SP2: variants seen among roughly 807,000 people sequenced by gnomAD.
The protein encoded by SP2 is transcription factor Sp2.
A neutral mutation model predicts 50.1 loss-of-function variants in SP2; 9 were observed. The ratio of observed to expected loss-of-function variants is 0.18; its 90% CI spans 0.11 to 0.31. SP2 has a LOEUF of 0.31. Ranked by LOEUF, SP2 falls within the 10% of genes least tolerant of loss-of-function variation. The probability of loss-of-function intolerance (pLI) is 1.00; values close to 1 mark genes in which losing one functional copy is unlikely to be tolerated. For missense variants in SP2, 581 were observed against 806.5 expected, an observed-to-expected ratio of 0.72 and a Z score of 3.39; for synonymous variants, 313 against 326.6, an observed-to-expected ratio of 0.96 and a Z score of 0.45.
chr17:47,901,542 A>G (rs935659115), intron 1 of SP2, among the ~76,000 whole-genome samples: 5 of 152,082 alleles, frequency 3.3e-5, no homozygotes, highest in African/African-American at 1.2e-4. Context: ...CTGCCAATGC[A>G]TGTCAATGGA....
intron 3 of SP2, chr17:47,917,952 C>A (rs952625384): frequency 4.2e-6 from 1 of 238,100 alleles, no homozygotes; most frequent in Non-Finnish European, 8.8e-6. Flanking sequence ...GATGGATAAC[C>A]CAGAACTCAG....
intron 5 of SP2, 86 bp downstream of exon 5, chr17:47,925,179 C>A: frequency 6.7e-7 from 1 of 1,497,514 alleles, no homozygotes; most frequent in Non-Finnish European, 9.0e-7. Context: ...TGCAAGCTGG[C>A]ACAGACCAGG....
chr17:47,896,869 G>A (rs541687593), intron 1 of SP2, among the ~76,000 whole-genome samples: 6 of 152,310 alleles, frequency 3.9e-5, no homozygotes, highest in Middle Eastern at 3.4e-3. Flanking sequence ...TCCCCAGTCG[G>A]GCGATGGTGT....
In SP2 at chr17:47,925,905, C is replaced by CTTTTTT. The variant is rs71141942; in HGVS notation, c.1741+387_1741+392dup. On this transcript the variant is annotated intron_variant, in intron 6 of 6. Coordinates refer to ENST00000376741, the MANE Select transcript of SP2 (RefSeq NM_003110.6). ...TTATGGGAAGATACTTTGTTTATGC[C>CTTTTTT]TTTTTTTTTTTTTTTTTTTTTTTTT... Among the ~76,000 whole-genome samples, 4 of 84,440 alleles carry CTTTTTT rather than the reference C, an allele frequency of 4.7e-5. 1 individual carries two copies. Among genetic ancestry groups the CTTTTTT allele is most frequent in the African/African-American group, 1.9e-4 (4 of 20,856 alleles). The allele number at this position is 84,440 out of a possible 152,430, so 55.4% of individuals were successfully genotyped here. A position where few individuals can be genotyped will look rare whatever the true frequency, so the allele number is the denominator to read the frequency against.
In SP2 at chr17:47,916,050, G is replaced by A; in HGVS notation, c.85-106G>A. On this transcript the variant is annotated intron_variant, in intron 2 of 6. Coordinates refer to ENST00000376741, the MANE Select transcript of SP2 (RefSeq NM_003110.6). This position sits in a 1 kb window ranked among gnomAD's most constrained non-coding sequence, Gnocchi z 4.7. ...CTGGCAACATGCCTGCCCCGGAGGT[G>A]GGGAAGACTGGCGTGGAATGCCGCC... The A allele has an allele frequency of 1.5e-6, 2 of 1,359,282 alleles. No homozygotes were observed. Among genetic ancestry groups the A allele is most frequent in the South Asian group, 2.8e-5 (2 of 72,114 alleles). 84.2% of individuals were successfully genotyped at this position (1,359,282 alleles called of 1,614,324 possible).
At chr17:47,925,265 C>G (rs1047502812) in intron 5 of SP2, 83 bp from the exon 6 acceptor site, 1 of 1,446,518 alleles carries the variant, frequency 6.9e-7, no homozygotes, top group African/African-American at 1.4e-5. Flanking sequence ...CACATCCTCA[C>G]TGCATCCTGT....
At chr17:47,898,794 A>G (rs1309347430) in intron 1 of SP2, 1 of 152,256 alleles carries the variant, frequency 6.6e-6, no homozygotes, top group Non-Finnish European at 1.5e-5. Context: ...CTGAGTTTAC[A>G]AGATTTAACC....
At chr17:47,919,570 T>A (rs1017379377) in intron 3 of SP2, among the ~76,000 whole-genome samples, 1 of 152,096 alleles carries the variant, frequency 6.6e-6, no homozygotes, top group Non-Finnish European at 1.5e-5. Context: ...CTCATTTGAG[T>A]GTAAATTGCC....
At chr17:47,915,629 GA>G (rs1439792924) in intron 2 of SP2, among the ~76,000 whole-genome samples, 1 of 152,146 alleles carries the variant, frequency 6.6e-6, no homozygotes, top group Non-Finnish European at 1.5e-5. Flanking sequence ...ACTAAAAAAG[GA>G]AAAGGAAAAC....
At chr17:47,913,136 C>T (rs1034132229) in intron 1 of SP2, among the ~76,000 whole-genome samples, 5 of 152,124 alleles carry the variant, frequency 3.3e-5, no homozygotes, top group Non-Finnish European at 5.9e-5. Flanking sequence ...GCTAGGATTA[C>T]AGGCGTGAAC....
At chr17:47,919,670 A>T (rs1253865253) in intron 3 of SP2, among the ~76,000 whole-genome samples, 1 of 152,022 alleles carries the variant, frequency 6.6e-6, no homozygotes, top group Non-Finnish European at 1.5e-5. Flanking sequence ...AAACCCAGGA[A>T]ATTAGCAGTG....
chr17:47,918,331 A>G (rs534149922), intron 3 of SP2: 5 of 152,350 alleles, frequency 3.3e-5, no homozygotes. Context: ...TAAGTCATTT[A>G]TCACAATATC....
intron 1 of SP2, chr17:47,897,919 G>C: frequency 1.0e-6 from 1 of 971,878 alleles, no homozygotes; most frequent in Non-Finnish European, 1.2e-6. Context: ...TCATTGGCTG[G>C]GACGATTGGT....
Position 47,916,972 on chromosome 17 carries a change from G to A in SP2, c.901G>A (p.Val301Ile), listed in dbSNP as rs1306938263. The A allele has an allele frequency of 1.2e-6, 2 of 1,614,136 alleles. No homozygotes were observed. The highest frequency in any genetic ancestry group is 1.7e-5 in the Admixed American group (1 of 60,024). ...GGGCCAGCCAGCTGTGGTCCAGCAG[G>A]TCCAGGTGGTGCCCCCCAAGGCCGA... is the stretch of plus-strand genomic sequence containing the variant. ...GGGQPAVVQQ[V>I]QVVPPKAEQQ... The change falls in exon 3 of 7, where the codon GTC becomes ATC. Residue 301 changes from valine (V) to isoleucine (I), a missense_variant. Val to Ile is a conservative substitution (Grantham distance 29). Transcript: ENST00000376741. The surrounding 1 kb of genome is among the most constrained non-coding windows in gnomAD (Gnocchi z 4.7).
chr17:47,896,427 A>G (rs146199012), intron 1 of SP2, 134 bp downstream of exon 1: 2 of 497,586 alleles, frequency 4.0e-6, no homozygotes, highest in East Asian at 4.9e-5. Flanking sequence ...GCCCGGCTTC[A>G]GGAGGGGCGG....
chr17:47,905,766 GCAGGGT>G (rs997448762), intron 1 of SP2, among the ~76,000 whole-genome samples: 1 of 152,208 alleles, frequency 6.6e-6, no homozygotes, highest in African/African-American at 2.4e-5. Flanking sequence ...CTGGCAGGTA[GCAGGGT>G]CACCTGCCCC....
Position 47,916,411 on chromosome 17 carries a change from A to C in SP2, c.340A>C (p.Ile114Leu), listed in dbSNP as rs370407425. ...TCCTGGAGGGCAGCTGGTGTTCGCT[A>C]TCCAGAATCCCACCATGATCAACAA... ...SYPGGQLVFA[I>L]QNPTMINKGT... The change falls in exon 3 of 7, where the codon ATC becomes CTC. Residue 114 changes from isoleucine (I) to leucine (L), a missense_variant. Physicochemically the swap from Ile to Leu is conservative, Grantham distance 5. Transcript: ENST00000376741. The surrounding 1 kb of genome is among the most constrained non-coding windows in gnomAD (Gnocchi z 4.7). 4.5e-5 allele frequency: 72 copies of C among 1,614,012 alleles called. 1 individual carries two copies. The Middle Eastern group carries it at 4.8e-3, about 107-fold the overall frequency.
chr17:47,909,985 G>C (rs2034917732), intron 1 of SP2, among the ~76,000 whole-genome samples: 2 of 152,160 alleles, frequency 1.3e-5, no homozygotes, highest in Admixed American at 6.6e-5. Context: ...GTAGCTGGGA[G>C]TACAGGCATG....
At chr17:47,923,402 G>A (rs896785668) in intron 4 of SP2, 128 bp downstream of exon 4, 12 of 741,484 alleles carry the variant, frequency 1.6e-5, no homozygotes, top group Non-Finnish European at 2.0e-5. Flanking sequence ...TTAAGGGTAC[G>A]TCCACCTGCA....
Sources: allele counts gnomAD v4.1 joint callset (sites outside exome capture counted in the v4.1 genomes callset), GRCh38; gene constraint gnomAD v4.1.1; non-coding constraint Gnocchi (gnomAD v3.1); transcripts MANE v1.5; gene names NCBI Gene and HGNC (gene_info 2026-07-23, HGNC 2026-07-21).